OSBP2: variants seen among roughly 807,000 people sequenced by gnomAD.
OSBP2 encodes the protein oxysterol-binding protein 2.
A neutral mutation model predicts 96.0 loss-of-function variants in OSBP2; 66 were observed. The observed-to-expected ratio is 0.69, with a 90% confidence interval of 0.56 to 0.84. The LOEUF is 0.84. Among genes scored for constraint, OSBP2 ranks in the 40% least tolerant of loss-of-function variants. The probability of loss-of-function intolerance (pLI) is 0.00; values close to 1 mark genes in which losing one functional copy is unlikely to be tolerated. For synonymous variants in OSBP2, 525 were observed against 520.9 expected, an observed-to-expected ratio of 1.01 and a Z score of -0.11; for missense variants, 1,038 against 1,222.7, an observed-to-expected ratio of 0.85 and a Z score of 2.25.
At chr22:30,810,247 A>C (rs2090987867) in intron 2 of OSBP2, among the ~76,000 whole-genome samples, 1 of 152,110 alleles carries the variant, frequency 6.6e-6, no homozygotes. Flanking sequence ...CAAGAGGACC[A>C]GGGGGTTTCA....
chr22:30,841,785 G>A (rs2038757797), intron 2 of OSBP2, among the ~76,000 whole-genome samples: 1 of 152,150 alleles, frequency 6.6e-6, no homozygotes, highest in Non-Finnish European at 1.5e-5. Flanking sequence ...AGGATCAGGG[G>A]CCAAGAGTTT....
chr22:30,701,126 G>A (rs1482158468), intron 1 of OSBP2, among the ~76,000 whole-genome samples: 2 of 151,148 alleles, frequency 1.3e-5, no homozygotes, highest in South Asian at 2.1e-4. Flanking sequence ...TTTGGCTGAG[G>A]AAGACCACTG....
At chr22:30,801,278 A>C (rs2090847520) in intron 2 of OSBP2, among the ~76,000 whole-genome samples, 1 of 152,244 alleles carries the variant, frequency 6.6e-6, no homozygotes, top group African/African-American at 2.4e-5. Context: ...AAAAAAGAGA[A>C]GAAAGAAAAA....
At chr22:30,718,984 G>A (rs1202157444) in intron 1 of OSBP2, among the ~76,000 whole-genome samples, 2 of 152,128 alleles carry the variant, frequency 1.3e-5, no homozygotes, top group Non-Finnish European at 2.9e-5. Flanking sequence ...GCTAGATACA[G>A]GCATGGAAGC....
intron 12 of OSBP2, chr22:30,902,544 C>A: frequency 7.7e-7 from 1 of 1,303,556 alleles, no homozygotes. Context: ...GGGAGGTAGT[C>A]ACCCAGGTGA....
At position 30,695,515 on chromosome 22, in the gene OSBP2, C is replaced by T. The variant is rs773260583; in HGVS notation, c.606C>T (p.Arg202=). ...ACTATCTGAAGGGCTACCAGCGCCG[C>T]TGGTTCGTGCTGGGCAATGGTTTGC... The part of the protein sequence containing the change: ...WTNYLKGYQR[R]WFVLGNGLLS... The change falls in exon 1 of 14, where the codon CGC becomes CGT. Residue 202 remains arginine (R), a synonymous_variant. Transcript: ENST00000332585. The T allele has an allele frequency of 1.2e-6, 2 of 1,611,848 alleles. No homozygotes were observed. The highest frequency in any genetic ancestry group is 2.2e-5 in the South Asian group (2 of 91,088).
intron 2 of OSBP2, among the ~76,000 whole-genome samples, chr22:30,837,915 C>A (rs2038670495): frequency 6.6e-6 from 1 of 152,158 alleles, no homozygotes; most frequent in East Asian, 1.9e-4. Context: ...CTCACATGTG[C>A]TTTTTGTGAA....
At chr22:30,744,388 G>T (rs942897982) in intron 2 of OSBP2, among the ~76,000 whole-genome samples, 2 of 152,116 alleles carry the variant, frequency 1.3e-5, no homozygotes, top group African/African-American at 4.8e-5. Context: ...GCCACTGTGG[G>T]TTATCCCGGG....
chr22:30,726,530 G>A (rs545965987), intron 1 of OSBP2, among the ~76,000 whole-genome samples: 2 of 152,248 alleles, frequency 1.3e-5, no homozygotes, highest in East Asian at 3.9e-4. Context: ...CCTAATGCAT[G>A]TGGGGCTTAA....
At chr22:30,773,697 T>G (rs971783784) in intron 2 of OSBP2, among the ~76,000 whole-genome samples, 2 of 151,800 alleles carry the variant, frequency 1.3e-5, no homozygotes, top group Non-Finnish European at 2.9e-5. Context: ...GACACAGTGG[T>G]CACTTTGGTC....
intron 2 of OSBP2, among the ~76,000 whole-genome samples, chr22:30,809,633 C>T (rs918374989): frequency 1.3e-5 from 2 of 152,154 alleles, no homozygotes; most frequent in African/African-American, 4.8e-5. Context: ...CTGTGGTTTG[C>T]AAAGGACTTC....
chr22:30,713,267 G>A (rs1311896444), intron 1 of OSBP2, among the ~76,000 whole-genome samples: 1 of 151,782 alleles, frequency 6.6e-6, no homozygotes, highest in Non-Finnish European at 1.5e-5. Context: ...TTTTAGTAGA[G>A]ACAGGGTTTC....
intron 1 of OSBP2, among the ~76,000 whole-genome samples, chr22:30,696,165 T>C (rs1000526580): frequency 1.3e-5 from 2 of 152,190 alleles, no homozygotes; most frequent in Admixed American, 6.5e-5. Flanking sequence ...CCCTCCTTTC[T>C]TATTCCAGAC....
intron 2 of OSBP2, among the ~76,000 whole-genome samples, chr22:30,752,578 C>CCG (rs754120706): frequency 5.9e-5 from 9 of 152,014 alleles, no homozygotes; most frequent in Non-Finnish European, 1.2e-4. Flanking sequence ...GTGTGAGCCA[C>CCG]CGCGCCGGGC....
intron 12 of OSBP2, among the ~76,000 whole-genome samples, chr22:30,895,482 G>GAATT (rs1176550975): frequency 1.3e-5 from 2 of 152,160 alleles, no homozygotes; most frequent in African/African-American, 2.4e-5. Context: ...CAAGGATAAA[G>GAATT]AATTAGACAT....
At chr22:30,841,506 T>A (rs1271042988) in intron 2 of OSBP2, among the ~76,000 whole-genome samples, 1 of 152,236 alleles carries the variant, frequency 6.6e-6, no homozygotes, top group Non-Finnish European at 1.5e-5. Context: ...TTCTCTCCTT[T>A]GTACTGTTGA....
chr22:30,906,627 G>A lies in OSBP2; in HGVS notation c.*288G>A. 1 of 306,412 alleles carries A rather than the reference G, an allele frequency of 3.3e-6. No homozygotes were observed. The highest frequency in any genetic ancestry group is 5.6e-5 in the East Asian group (1 of 17,940). 19.0% of individuals were successfully genotyped at this position (306,412 alleles called of 1,614,324 possible). A position where few individuals can be genotyped will look rare whatever the true frequency, so the allele number is the denominator to read the frequency against. On this transcript the variant is annotated 3_prime_UTR_variant, in exon 14 of 14. Transcript: ENST00000332585. ...GCCCCAGTTACCACAACTCAGGCCG[G>A]CTGGCCCGGGCCATGGGCTGCGCAA...
At chr22:30,694,270 C>T (rs1200962267), upstream of OSBP2, 11 of 1,549,790 alleles carry the variant, frequency 7.1e-6, no homozygotes, top group East Asian at 2.7e-4. Flanking sequence ...GGCCAGCTGG[C>T]TCAGGAGGTG....
chr22:30,879,410 G>C (rs575025978), intron 3 of OSBP2, among the ~76,000 whole-genome samples: 4 of 152,350 alleles, frequency 2.6e-5, no homozygotes, highest in African/African-American at 9.6e-5. Context: ...GTTTTAATTG[G>C]ACTGGAAAGC....
Sources: gnomAD v4.1 joint callset for allele counts (sites outside exome capture counted in the v4.1 genomes callset) on GRCh38, gnomAD v4.1.1 for gene constraint, MANE v1.5 for transcripts, NCBI Gene and HGNC (gene_info 2026-07-23, HGNC 2026-07-21) for gene names.